The following PTPRR variants were observed in gnomAD, a reference collection of about 807,000 sequenced individuals.
The protein encoded by PTPRR is receptor-type tyrosine-protein phosphatase R.
A neutral mutation model predicts 77.2 loss-of-function variants in PTPRR; 38 were observed. The ratio of observed to expected loss-of-function variants is 0.49; its 90% confidence interval spans 0.38 to 0.65. The LOEUF (loss-of-function observed/expected upper bound fraction) is 0.65. Among genes scored for constraint, PTPRR ranks in the 30% least tolerant of loss-of-function variants. The pLI, the probability that PTPRR is intolerant of heterozygous loss-of-function variation, is 0.00. For synonymous variants in PTPRR, 299 were observed against 283.1 expected, an observed-to-expected ratio of 1.06 and a Z score of -0.57; for missense variants, 744 against 799.2, an observed-to-expected ratio of 0.93 and a Z score of 0.83.
chr12:70,831,810 C>T (rs1393614439), intron 2 of PTPRR, among the ~76,000 whole-genome samples: 2 of 152,164 alleles, frequency 1.3e-5, no homozygotes, highest in African/African-American at 4.8e-5. Flanking sequence ...ATTACTCCTC[C>T]TAGATATCTT....
intron 2 of PTPRR, among the ~76,000 whole-genome samples, chr12:70,855,005 G>A (rs947218063): frequency 6.6e-6 from 1 of 152,082 alleles, no homozygotes; most frequent in Non-Finnish European, 1.5e-5. Flanking sequence ...TGACATAATA[G>A]GGTCCACAGC....
intron 12 of PTPRR, among the ~76,000 whole-genome samples, chr12:70,659,004 G>A (rs899799654): frequency 1.8e-4 from 27 of 146,062 alleles, no homozygotes; most frequent in Admixed American, 7.1e-4. Context: ...CTCGGTTCAA[G>A]CGATTCTCCT....
rs2136673291 is a variant in PTPRR, at chr12:70,661,063, C to A, written c.1643G>T (p.Trp548Leu). ...CTTGTGATCAGGCCATGAGGTGTAC[C>A]AGTAATGCTTCACATGTTGGGTGTG... ...GSHTQHVKHY[W>L]YTSWPDHKTP... is the part of the protein sequence containing the mutation. The change falls in exon 12 of 14, where the codon TGG (tryptophan) becomes TTG (leucine). Residue 548 changes from tryptophan (W) to leucine (L), a missense_variant. Transcript: ENST00000283228. 2 of 1,612,684 alleles carry A rather than the reference C, an allele frequency of 1.2e-6. No individual in the cohort carries two copies. The highest frequency in any genetic ancestry group is 1.7e-6 in the Non-Finnish European group (2 of 1,179,354).
intron 2 of PTPRR, among the ~76,000 whole-genome samples, chr12:70,848,475 C>A (rs548617171): frequency 2.0e-5 from 3 of 152,180 alleles, no homozygotes; most frequent in African/African-American, 7.2e-5. Context: ...CCACCATGCC[C>A]AGCTAATTTT....
chr12:70,645,303 C>T (rs948861730), intron 13 of PTPRR, among the ~76,000 whole-genome samples: 1 of 152,170 alleles, frequency 6.6e-6, no homozygotes, highest in Non-Finnish European at 1.5e-5. Context: ...AGGTATTTAT[C>T]TAATAAGGCT....
chr12:70,864,372 C>T (rs1892804765), intron 2 of PTPRR, among the ~76,000 whole-genome samples: 1 of 152,176 alleles, frequency 6.6e-6, no homozygotes, highest in Non-Finnish European at 1.5e-5. Flanking sequence ...GCTTAGGAAT[C>T]TTCTGTGGTC....
chr12:70,864,946 G>A (rs1892816376), intron 2 of PTPRR, among the ~76,000 whole-genome samples: 1 of 152,012 alleles, frequency 6.6e-6, no homozygotes, highest in South Asian at 2.1e-4. Context: ...TGAGTAGCTG[G>A]GATTACAGGC....
intron 1 of PTPRR, among the ~76,000 whole-genome samples, chr12:70,910,327 GT>G (rs916704085): frequency 2.0e-5 from 3 of 151,982 alleles, no homozygotes; most frequent in African/African-American, 7.2e-5. Flanking sequence ...TTGTTTGTTT[GT>G]TTTTATTGTA....
chr12:70,877,650 T>C (rs1893074218), intron 2 of PTPRR, among the ~76,000 whole-genome samples: 2 of 152,084 alleles, frequency 1.3e-5, no homozygotes, highest in Admixed American at 6.6e-5. Flanking sequence ...GAAGAATCAA[T>C]ATGGTGAAAA....
chr12:70,920,577 G>T lies in PTPRR; in HGVS notation c.-187C>A. 1 of 576,048 alleles carries T rather than the reference G, an allele frequency of 1.7e-6. No individual in the cohort carries two copies. The highest frequency in any genetic ancestry group is 3.1e-6 in the Non-Finnish European group (1 of 319,514). The allele number at this position is 576,048 out of a possible 1,614,324, so 35.7% of individuals were successfully genotyped here. A position where few individuals can be genotyped will look rare whatever the true frequency, so the allele number is the denominator to read the frequency against. On this transcript the variant is annotated 5_prime_UTR_variant, in exon 1 of 14. Coordinates refer to ENST00000283228, the MANE Select transcript of PTPRR (RefSeq NM_002849.4). ...ACCAGCTTCAACCTCCCTAAGAGAG[G>T]GAGAGAGGAAGAGCAGTAGGAGGTT...
chr12:70,917,353 G>T (rs1893790344), intron 1 of PTPRR, among the ~76,000 whole-genome samples: 1 of 152,114 alleles, frequency 6.6e-6, no homozygotes, highest in African/African-American at 2.4e-5. Context: ...TATATAGTAT[G>T]CAACCACGGG....
chr12:70,690,227 CTT>C (rs1888009423), intron 8 of PTPRR, among the ~76,000 whole-genome samples: 1 of 152,166 alleles, frequency 6.6e-6, no homozygotes, highest in Non-Finnish European at 1.5e-5. Context: ...GGGAAAAACA[CTT>C]TTAAATTATT....
chr12:70,855,542 G>A (rs1892637255), intron 2 of PTPRR, among the ~76,000 whole-genome samples: 1 of 152,144 alleles, frequency 6.6e-6, no homozygotes, highest in African/African-American at 2.4e-5. Context: ...AGGATAGAAA[G>A]AAGAAATGAG....
At chr12:70,733,478 A>AAAAAAAAAAAAAAAAAAAAAAAAAAATAT (rs1889753304) in intron 6 of PTPRR, among the ~76,000 whole-genome samples, 1 of 88,572 alleles carries the variant, frequency 1.1e-5, no homozygotes, top group Non-Finnish European at 2.2e-5. Flanking sequence ...GGCAAAAAAA[A>AAAAAAAAAAAAAAAAAAAAAAAAAAATAT]AAAGAAAAAA....
intron 2 of PTPRR, among the ~76,000 whole-genome samples, chr12:70,863,948 G>C (rs1419318742): frequency 6.6e-6 from 1 of 152,250 alleles, no homozygotes; most frequent in East Asian, 1.9e-4. Flanking sequence ...CTAGGATCCT[G>C]GGTTAAGGCA....
At chr12:70,785,965 T>C (rs1443100901) in intron 2 of PTPRR, among the ~76,000 whole-genome samples, 1 of 152,200 alleles carries the variant, frequency 6.6e-6, no homozygotes, top group African/African-American at 2.4e-5. Flanking sequence ...CAGTTATTCT[T>C]GTTCCTTGTT....
rs765738265 is a variant in PTPRR, at chr12:70,892,840, A to C, written c.196T>G (p.Tyr66Asp). 1 of 1,613,596 alleles carries C rather than the reference A, an allele frequency of 6.2e-7. No homozygotes were observed. Among genetic ancestry groups the C allele is most frequent in the South Asian group, 1.1e-5 (1 of 91,078 alleles). The stretch of plus-strand genomic sequence containing the variant: ...ACTTGAGCTTCGGAAGAGGAATGGT[A>C]GCTATGTCTGTAGATTTTTTGTGGG... The part of the protein sequence containing the change: ...IAPQKIYRHS[Y>D]HSSSEAQVSK... The change falls in exon 2 of 14, where the codon TAC (tyrosine) becomes GAC (aspartate). Residue 66 changes from tyrosine to aspartate, a missense_variant. Coordinates refer to ENST00000283228, the MANE Select transcript of PTPRR (RefSeq NM_002849.4).
chr12:70,920,327 C>A lies in PTPRR; in HGVS notation c.58+6G>T. On this transcript the variant is annotated splice_donor_region_variant and intron_variant, in intron 1 of 13. Coordinates refer to ENST00000283228, the MANE Select transcript of PTPRR (RefSeq NM_002849.4). ...AGCTCCGGCTCTAAGCCTGGCAACC[C>A]CTTACCTGCAGCGTGAAGATTAAGG... 1 of 1,613,334 alleles carries A rather than the reference C, an allele frequency of 6.2e-7. No individual in the cohort carries two copies. Among genetic ancestry groups the A allele is most frequent in the South Asian group, 1.1e-5 (1 of 91,046 alleles).
At chr12:70,684,535 A>G (rs1377515903) in intron 9 of PTPRR, among the ~76,000 whole-genome samples, 169 bp downstream of exon 9, 1 of 152,214 alleles carries the variant, frequency 6.6e-6, no homozygotes, top group Non-Finnish European at 1.5e-5. Context: ...AAGTCATCAT[A>G]AAAGACCCAT....
Sources: allele counts gnomAD v4.1 joint callset (sites outside exome capture counted in the v4.1 genomes callset), GRCh38; gene constraint gnomAD v4.1.1; transcripts MANE v1.5; gene names NCBI Gene and HGNC (gene_info 2026-07-23, HGNC 2026-07-21).